The following CAST variants were observed in gnomAD, a reference collection of about 807,000 sequenced individuals.
CAST encodes MIR583 host.
CAST carries 76 observed loss-of-function variants against 119.6 expected under a neutral mutation model. The ratio of observed to expected loss-of-function variants is 0.64; its 90% CI spans 0.53 to 0.77. The LOEUF is 0.77. Among genes scored for constraint, CAST ranks in the 30% least tolerant of loss-of-function variants. The pLI, the probability that CAST is intolerant of heterozygous loss-of-function variation, is 0.00. For missense variants in CAST, 953 were observed against 946.5 expected (o/e 1.01, Z -0.09); for synonymous variants, 319 against 331.6 (o/e 0.96, Z 0.41).
chr5:96,554,228 C>G (rs965972515), intron 1 of CAST, among the ~76,000 whole-genome samples: 1 of 152,170 alleles, frequency 6.6e-6, no homozygotes, highest in African/African-American at 2.4e-5. Context: ...TGGAACAGAA[C>G]AGAGGCCTCA....
chr5:96,308,920 AG>A, the CAST span: 1 of 152,524 alleles, frequency 6.6e-6, no homozygotes, highest in East Asian at 1.9e-4. Context: ...TTTCCCAGTC[AG>A]GATACACGGG....
chr5:96,153,925 G>A, the CAST span, among the ~76,000 whole-genome samples: 315 of 152,242 alleles, frequency 2.1e-3, 1 homozygote, highest in African/African-American at 7.3e-3. Flanking sequence ...CATTATATCT[G>A]AAATATTTGA....
At chr5:96,229,420 A>G in the CAST span, among the ~76,000 whole-genome samples, 1 of 152,032 alleles carries the variant, frequency 6.6e-6, no homozygotes, top group Non-Finnish European at 1.5e-5. Context: ...CTTAGTTTAG[A>G]AAGCATCCAT....
intron 3 of CAST, chr5:96,696,135 C>A: frequency 1.5e-5 from 4 of 268,900 alleles, no homozygotes; most frequent in East Asian, 6.5e-5. Flanking sequence ...ATATAATAAG[C>A]GTTAAATAAA....
chr5:96,010,924 A>T, the CAST span, among the ~76,000 whole-genome samples: 2 of 152,084 alleles, frequency 1.3e-5, no homozygotes, highest in Non-Finnish European at 1.5e-5. Flanking sequence ...GTATATAGAA[A>T]TGTTACTGAT....
the CAST span, among the ~76,000 whole-genome samples, chr5:96,298,598 ATATAT>A: frequency 6.6e-6 from 1 of 152,246 alleles, no homozygotes; most frequent in African/African-American, 2.4e-5. Context: ...TTAATTCTAA[ATATAT>A]TCTATTGGGA....
the CAST span, among the ~76,000 whole-genome samples, chr5:95,975,579 T>G: frequency 6.6e-6 from 1 of 152,218 alleles, no homozygotes; most frequent in Non-Finnish European, 1.5e-5. Context: ...TGTTGTGAAA[T>G]TCAATGATGG....
intron 1 of CAST, among the ~76,000 whole-genome samples, chr5:96,575,631 T>C (rs1301966440): frequency 6.6e-6 from 1 of 151,722 alleles, no homozygotes; most frequent in East Asian, 2.0e-4. Flanking sequence ...CAAATGCTTT[T>C]ACAATTTTTG....
In CAST at chr5:96,750,654, A is replaced by C. The variant is rs771796838; in HGVS notation, c.1496A>C (p.Gln499Pro). ...TGTCGGACCTCCATGTGTAGTATAC[A>C]GTCAGCACCCCCTGAGCCGGCTACC... ...AVCRTSMCSIQSAPPEPATLK... is the reference protein window; with the variant it reads ...AVCRTSMCSIPSAPPEPATLK... The change falls in exon 20 of 32, where the codon CAG (glutamine) becomes CCG (proline). Residue 499 changes from glutamine (Q) to proline (P), a missense_variant. Coordinates refer to ENST00000675179, the MANE Select transcript of CAST (RefSeq NM_001750.7). 6.2e-7 allele frequency: 1 copy of C among 1,613,340 alleles called. No homozygotes were observed.
the CAST span, among the ~76,000 whole-genome samples, chr5:96,483,609 A>G: frequency 6.6e-6 from 1 of 152,100 alleles, no homozygotes; most frequent in Non-Finnish European, 1.5e-5. Context: ...GATGAGCTTC[A>G]TTGTAAGTTG....
the CAST span, among the ~76,000 whole-genome samples, chr5:96,483,879 G>A: frequency 6.6e-6 from 1 of 152,126 alleles, no homozygotes; most frequent in Non-Finnish European, 1.5e-5. Flanking sequence ...GAAGTGCTGA[G>A]TCAAGACTCA....
At chr5:96,760,373 CATATT>C (rs1350043550) in intron 24 of CAST, among the ~76,000 whole-genome samples, 1 of 151,822 alleles carries the variant, frequency 6.6e-6, no homozygotes, top group African/African-American at 2.4e-5. Context: ...TACATATACT[CATATT>C]ATAAATAAAA....
chr5:96,723,633 G>C (rs1758706931), intron 4 of CAST, among the ~76,000 whole-genome samples: 1 of 152,086 alleles, frequency 6.6e-6, no homozygotes, highest in Admixed American at 6.5e-5. Context: ...ACTTTGTTCT[G>C]AAGAGCTGGC....
chr5:96,636,427 C>T (rs919194637), intron 1 of CAST, among the ~76,000 whole-genome samples: 1 of 152,090 alleles, frequency 6.6e-6, no homozygotes, highest in East Asian at 1.9e-4. Flanking sequence ...TAAATACAGG[C>T]ATTTCCCATC....
Position 96,715,923 on chromosome 5 carries a change from T to C in CAST, c.211-6716T>C, listed in dbSNP as rs113974305. Among the ~76,000 whole-genome samples, 607 of 152,334 alleles carry C rather than the reference T, an allele frequency of 4.0e-3. 10 individuals are homozygous for C. Among genetic ancestry groups the C allele is most frequent in the South Asian group, 0.033 (159 of 4,832 alleles). ...ATGGCTGAACTTCATTCATAGATGA[T>C]CCATTGTTTATCTTTCATCAGAATC... On this transcript the variant is annotated intron_variant, in intron 3 of 31. Transcript: ENST00000675179.
At chr5:96,452,141 G>A in the CAST span, among the ~76,000 whole-genome samples, 1 of 152,280 alleles carries the variant, frequency 6.6e-6, no homozygotes, top group African/African-American at 2.4e-5. Flanking sequence ...CCATTACTGA[G>A]TATATACCCA....
At chr5:96,577,794 A>G (rs1746701236) in intron 1 of CAST, among the ~76,000 whole-genome samples, 1 of 152,094 alleles carries the variant, frequency 6.6e-6, no homozygotes, top group Non-Finnish European at 1.5e-5. Context: ...TCCAGCATAC[A>G]GTTTGTCTTA....
At chr5:96,224,667 A>C in the CAST span, among the ~76,000 whole-genome samples, 1 of 152,156 alleles carries the variant, frequency 6.6e-6, no homozygotes, top group Non-Finnish European at 1.5e-5. Context: ...ATGAATATTG[A>C]ACAGAATCCT....
the CAST span, among the ~76,000 whole-genome samples, chr5:96,320,791 C>T: frequency 6.6e-6 from 1 of 152,080 alleles, no homozygotes; most frequent in East Asian, 1.9e-4. Context: ...TTCAAGTGGC[C>T]ATGTTTCCTT....
Sources: allele counts gnomAD v4.1 joint callset (sites outside exome capture counted in the v4.1 genomes callset), GRCh38; gene constraint gnomAD v4.1.1; transcripts MANE v1.5; gene names NCBI Gene and HGNC (gene_info 2026-07-23, HGNC 2026-07-21).